Variants in C2CD5 observed in about 807,000 individuals in gnomAD.
The protein encoded by C2CD5 is C2 domain-containing protein 5.
C2CD5 carries 109 observed loss-of-function variants against 130.3 expected under a neutral mutation model. The ratio of observed to expected loss-of-function variants is 0.84; its 90% CI spans 0.72 to 0.98. C2CD5 has a LOEUF of 0.98. Ranked by LOEUF, C2CD5 falls within the 50% of genes least tolerant of loss-of-function variation. The probability of loss-of-function intolerance (pLI) is 0.00; values close to 1 mark genes in which losing one functional copy is unlikely to be tolerated. For missense variants in C2CD5, 996 were observed against 1,261.8 expected, an observed-to-expected ratio of 0.79 and a Z score of 3.19; for synonymous variants, 454 against 429.2, an observed-to-expected ratio of 1.06 and a Z score of -0.71.
intron 3 of C2CD5, among the ~76,000 whole-genome samples, chr12:22,530,598 C>T (rs1218293450): frequency 6.6e-6 from 1 of 151,822 alleles, no homozygotes; most frequent in East Asian, 1.9e-4. Context: ...GCTGGGATTA[C>T]AGGTTCACAC....
At position 22,517,985 on chromosome 12, in the gene C2CD5, C is replaced by T; in HGVS notation, c.952+1G>A. ...ATAAAAGGTGGGTGGAAGCGCCTTA[C>T]CAGTTTTGGGTGTCAAACTCAAATC... On this transcript the variant is annotated splice_donor_variant, in intron 8 of 26. Transcript: ENST00000446597. LOFTEE classifies it high-confidence loss of function. 1 of 1,608,876 alleles carries T rather than the reference C, an allele frequency of 6.2e-7. No homozygotes were observed. The highest frequency in any genetic ancestry group is 8.5e-7 in the Non-Finnish European group (1 of 1,177,506).
chr12:22,500,565 C>A (rs1379306990), intron 10 of C2CD5, among the ~76,000 whole-genome samples: 2 of 152,118 alleles, frequency 1.3e-5, no homozygotes, highest in African/African-American at 4.8e-5. Flanking sequence ...CACCATACCA[C>A]ACAGTAAATT....
intron 24 of C2CD5, 145 bp downstream of exon 24, chr12:22,458,339 T>C (rs1276470153): frequency 5.0e-6 from 2 of 398,180 alleles, no homozygotes; most frequent in Non-Finnish European, 8.8e-6. Flanking sequence ...TTTTCCTAAA[T>C]GACCGTTACA....
intron 8 of C2CD5, among the ~76,000 whole-genome samples, chr12:22,515,623 T>C (rs80126436): frequency 2.0e-5 from 3 of 152,228 alleles, no homozygotes; most frequent in African/African-American, 7.2e-5. Flanking sequence ...GGCACTTTAA[T>C]TGAATATCCA....
intron 10 of C2CD5, among the ~76,000 whole-genome samples, chr12:22,506,109 G>T (rs1223921378): frequency 6.6e-6 from 1 of 152,100 alleles, no homozygotes; most frequent in Non-Finnish European, 1.5e-5. Flanking sequence ...CTCAGCAAGA[G>T]GGTCTTTGAC....
chr12:22,466,171 T>C (rs1438893040), intron 22 of C2CD5, among the ~76,000 whole-genome samples: 1 of 152,036 alleles, frequency 6.6e-6, no homozygotes, highest in Non-Finnish European at 1.5e-5. Flanking sequence ...GATGGAAATA[T>C]TAATAAACAT....
At chr12:22,483,422 T>C (rs1399031339) in intron 13 of C2CD5, among the ~76,000 whole-genome samples, 1 of 152,036 alleles carries the variant, frequency 6.6e-6, no homozygotes, top group African/African-American at 2.4e-5. Flanking sequence ...GTAATTAGAC[T>C]AATAGATTAT....
chr12:22,537,653 G>A (rs992183723), intron 2 of C2CD5, among the ~76,000 whole-genome samples: 1 of 152,160 alleles, frequency 6.6e-6, no homozygotes, highest in Non-Finnish European at 1.5e-5. Context: ...ATTACCTTGA[G>A]AAAGTTATTA....
Position 22,472,073 on chromosome 12 carries a change from T to C in C2CD5, c.2170-8A>G. The C allele has an allele frequency of 6.9e-7, 1 of 1,439,648 alleles. No homozygotes were observed. The highest frequency in any genetic ancestry group is 1.8e-5 in the Admixed American group (1 of 55,010). 89.2% of individuals were successfully genotyped at this position (1,439,648 alleles called of 1,614,324 possible). A position where few individuals can be genotyped will look rare whatever the true frequency, so the allele number is the denominator to read the frequency against. Reference sequence around the variant, plus strand: ...TCTTACTGAAGTGAACATCTAAATGTGGGGTGACATAACATGTCATTTTAT... The same window carrying C: ...TCTTACTGAAGTGAACATCTAAATGCGGGGTGACATAACATGTCATTTTAT... On this transcript the variant is annotated splice_region_variant and splice_polypyrimidine_tract_variant and intron_variant, in intron 18 of 26. Transcript: ENST00000446597.
chr12:22,487,634 G>T (rs1040800306), intron 12 of C2CD5, among the ~76,000 whole-genome samples: 5 of 152,166 alleles, frequency 3.3e-5, no homozygotes, highest in Middle Eastern at 3.4e-3. Flanking sequence ...CATTGTGGAA[G>T]TCAGTGTGGC....
At chr12:22,477,792 A>G (rs953289878) in intron 15 of C2CD5, among the ~76,000 whole-genome samples, 2 of 152,176 alleles carry the variant, frequency 1.3e-5, no homozygotes, top group Non-Finnish European at 2.9e-5. Flanking sequence ...ATTTGTAAAA[A>G]AAGAAACTGT....
chr12:22,449,704 A>C lies in C2CD5; in HGVS notation c.*56T>G, dbSNP rs1251180803. ...TAAGTCTAAGAAGATAATTAATGAC[A>C]AAATAACAGAGATTGATGAATTTCA... On this transcript the variant is annotated 3_prime_UTR_variant, in exon 27 of 27. Transcript: ENST00000446597. 6.8e-7 allele frequency: 1 copy of C among 1,470,290 alleles called. No homozygotes were observed. The highest frequency in any genetic ancestry group is 9.4e-7 in the Non-Finnish European group (1 of 1,067,114). 91.1% of individuals were successfully genotyped at this position (1,470,290 alleles called of 1,614,324 possible).
chr12:22,535,164 T>C, intron 3 of C2CD5, 94 bp downstream of exon 3: 1 of 727,600 alleles, frequency 1.4e-6, no homozygotes, highest in Non-Finnish European at 2.4e-6. Context: ...GTAGAAATAC[T>C]ACTATGCCTG....
chr12:22,482,273 T>C (rs922432783), intron 14 of C2CD5, among the ~76,000 whole-genome samples: 2 of 152,170 alleles, frequency 1.3e-5, no homozygotes, highest in African/African-American at 4.8e-5. Context: ...GTTTTAGCAA[T>C]ATGTAAACAA....
Position 22,491,373 on chromosome 12 carries a change from C to T in C2CD5, c.1263-1155G>A, listed in dbSNP as rs1177592977. Among the ~76,000 whole-genome samples the T allele has an allele frequency of 1.8e-4, 28 of 151,978 alleles. 1 individual carries two copies. Among genetic ancestry groups the T allele is most frequent in the Admixed American group, 1.8e-3 (27 of 15,236 alleles). On this transcript the variant is annotated intron_variant, in intron 11 of 26. Transcript: ENST00000446597. ...GTAAGCTTTGAAACCTCTCCTTATG[C>T]CTCTTCTTTTTATTTATATAATTCA... is the stretch of plus-strand genomic sequence containing the variant.
intron 8 of C2CD5, among the ~76,000 whole-genome samples, chr12:22,516,181 A>G (rs989305005): frequency 6.6e-6 from 1 of 151,952 alleles, no homozygotes; most frequent in Non-Finnish European, 1.5e-5. Flanking sequence ...TAGGTAAATC[A>G]GAAGGCAGAA....
chr12:22,536,796 T>C (rs74068236), intron 2 of C2CD5, among the ~76,000 whole-genome samples: 5,499 of 152,208 alleles, frequency 0.036, 353 homozygotes, highest in African/African-American at 0.13. Context: ...CGAGTTATAT[T>C]TGAGTGTTTC....
In C2CD5 at chr12:22,471,987, G is replaced by T. The variant is rs904498854; in HGVS notation, c.2248C>A (p.Leu750Ile). ...CCTACCTTGAGCAAATTTTCACAGAGATCATTAAAGTTCTTATTGAGAGCT... is the reference window on the plus strand; with the variant it reads ...CCTACCTTGAGCAAATTTTCACAGATATCATTAAAGTTCTTATTGAGAGCT... Reference protein sequence around the residue: ...NQALNKNFNDLCENLLKSLYF... With the variant: ...NQALNKNFNDICENLLKSLYF... Residue 750 changes from leucine to isoleucine, a missense_variant, in exon 19 of 27, where the codon CTC becomes ATC. By Grantham distance (5) the Leu-to-Ile change is conservative. Transcript: ENST00000446597. The T allele has an allele frequency of 1.9e-6, 3 of 1,603,560 alleles. No homozygotes were observed. Among genetic ancestry groups the T allele is most frequent in the African/African-American group, 2.7e-5 (2 of 74,600 alleles).
chr12:22,482,532 CA>C (rs769765714), intron 14 of C2CD5, 24 bp downstream of exon 14: 2 of 1,598,740 alleles, frequency 1.3e-6, no homozygotes, highest in Non-Finnish European at 1.7e-6. Context: ...AATCATAAAA[CA>C]AAACCAAAAA....
Sources: allele counts gnomAD v4.1 joint callset (sites outside exome capture counted in the v4.1 genomes callset), GRCh38; gene constraint gnomAD v4.1.1; transcripts MANE v1.5; gene names NCBI Gene and HGNC (gene_info 2026-07-23, HGNC 2026-07-21).